The following NLK variants were observed in gnomAD, a reference collection of about 807,000 sequenced individuals.
The protein encoded by NLK is nemo like kinase, also known as serine/threonine-protein kinase NLK.
In NLK, 11 loss-of-function variants were observed where a neutral mutation model predicts 59.0. That is an observed-to-expected ratio of 0.19 (90% CI 0.12 to 0.31). The LOEUF (loss-of-function observed/expected upper bound fraction) is 0.31. Among genes scored for constraint, NLK ranks in the 10% least tolerant of loss-of-function variants. NLK has a pLI of 1.00. For missense variants in NLK, 410 were observed against 661.1 expected, an observed-to-expected ratio of 0.62 and a Z score of 4.16; for synonymous variants, 235 against 235.9, an observed-to-expected ratio of 1.00 and a Z score of 0.03.
intron 1 of NLK, chr17:28,049,049 C>T (rs1354523365): frequency 6.6e-6 from 1 of 152,146 alleles, no homozygotes; most frequent in Non-Finnish European, 1.5e-5. Context: ...TCAGTGTGAT[C>T]CTGATATTGC....
chr17:28,083,963 G>A (rs1402549293), intron 1 of NLK, among the ~76,000 whole-genome samples: 10 of 152,094 alleles, frequency 6.6e-5, no homozygotes, highest in Admixed American at 6.6e-4. Context: ...CATGAGAACT[G>A]CTTGTGCCTA....
intron 7 of NLK, among the ~76,000 whole-genome samples, chr17:28,183,337 C>CT (rs554482988): frequency 2.6e-5 from 4 of 151,932 alleles, no homozygotes; most frequent in African/African-American, 9.7e-5. Context: ...TAGGCTTTGA[C>CT]TTTTTTTTGT....
intron 3 of NLK, among the ~76,000 whole-genome samples, chr17:28,159,804 T>C (rs773110936): frequency 4.6e-5 from 7 of 152,258 alleles, no homozygotes; most frequent in Non-Finnish European, 8.8e-5. Flanking sequence ...GCTGCTGTTT[T>C]AGAAATCTAG....
Position 28,195,808 on chromosome 17 carries a change from A to AT in NLK, c.*1184dup, listed in dbSNP as rs34894038. ...TTACCTCCACATGCTGATGATGACTATTTTTTTTTTTTGAGTTCAGTGTGG... is the reference window on the plus strand; with the variant it reads ...TTACCTCCACATGCTGATGATGACTATTTTTTTTTTTTTGAGTTCAGTGTGG... On this transcript the variant is annotated 3_prime_UTR_variant, in exon 11 of 11. Coordinates refer to ENST00000407008, the MANE Select transcript of NLK (RefSeq NM_016231.5). 2,371 of 145,920 alleles carry AT rather than the reference A, an allele frequency of 0.016. 42 individuals carry two copies. Among genetic ancestry groups the AT allele is most frequent in the Admixed American group, 0.043 (626 of 14,582 alleles). The allele number at this position is 145,920 out of a possible 1,614,324, so 9.0% of individuals were successfully genotyped here. A position where few individuals can be genotyped will look rare whatever the true frequency, so the allele number is the denominator to read the frequency against.
intron 1 of NLK, among the ~76,000 whole-genome samples, chr17:28,073,724 TTCTTC>T (rs1910082160): frequency 6.6e-6 from 1 of 152,182 alleles, no homozygotes; most frequent in African/African-American, 2.4e-5. Context: ...ACTTCAGATG[TTCTTC>T]TCTTTAGGTA....
chr17:28,160,324 G>C (rs1292082767), intron 3 of NLK, among the ~76,000 whole-genome samples: 1 of 152,190 alleles, frequency 6.6e-6, no homozygotes, highest in Non-Finnish European at 1.5e-5. Context: ...TCTCCTCCCT[G>C]TTCCCAAGTT....
chr17:28,090,035 A>C (rs1271622365), intron 1 of NLK, among the ~76,000 whole-genome samples: 1 of 152,116 alleles, frequency 6.6e-6, no homozygotes, highest in African/African-American at 2.4e-5. Context: ...GAAGTTTCTA[A>C]TTTTAATGAC....
At chr17:28,116,702 T>G (rs1056972824) in intron 1 of NLK, among the ~76,000 whole-genome samples, 2 of 152,222 alleles carry the variant, frequency 1.3e-5, no homozygotes, top group African/African-American at 2.4e-5. Flanking sequence ...TTCTTTCAAA[T>G]GTTTTCTATC....
chr17:28,114,810 T>C (rs569001879), intron 1 of NLK, among the ~76,000 whole-genome samples: 24 of 152,298 alleles, frequency 1.6e-4, no homozygotes, highest in Non-Finnish European at 2.5e-4. Flanking sequence ...TGAAAAGATA[T>C]TGTATCTGGC....
chr17:28,097,810 A>G (rs1055412309), intron 1 of NLK, among the ~76,000 whole-genome samples: 4 of 152,180 alleles, frequency 2.6e-5, no homozygotes, highest in Non-Finnish European at 2.9e-5. Context: ...ATCACTTTTC[A>G]GTTGTGATTC....
At chr17:28,061,446 C>T (rs1259139362) in intron 1 of NLK, among the ~76,000 whole-genome samples, 1 of 152,050 alleles carries the variant, frequency 6.6e-6, no homozygotes, top group Non-Finnish European at 1.5e-5. Flanking sequence ...GAGTTTCTAA[C>T]GTGAATTTGA....
intron 1 of NLK, among the ~76,000 whole-genome samples, chr17:28,054,802 A>G (rs1277481681): frequency 1.3e-5 from 2 of 152,162 alleles, no homozygotes; most frequent in African/African-American, 4.8e-5. Context: ...GCATTGGCTC[A>G]TGCCTGTTAC....
intron 2 of NLK, among the ~76,000 whole-genome samples, chr17:28,128,015 G>A (rs1048623004): frequency 1.3e-5 from 2 of 151,752 alleles, no homozygotes; most frequent in African/African-American, 4.8e-5. Flanking sequence ...AATCCAGTCG[G>A]GAATGGATGA....
chr17:28,172,439 C>T, intron 6 of NLK, 78 bp from the exon 7 acceptor site: 6 of 970,062 alleles, frequency 6.2e-6, no homozygotes, highest in Non-Finnish European at 8.6e-6. Flanking sequence ...TGGTCCACTT[C>T]TCTAAGGCTA....
chr17:28,174,437 G>A (rs1218645228), intron 7 of NLK, among the ~76,000 whole-genome samples: 1 of 152,100 alleles, frequency 6.6e-6, no homozygotes, highest in Non-Finnish European at 1.5e-5. Flanking sequence ...TCCAGTCTTG[G>A]TGTCGGCATA....
At chr17:28,098,522 C>T (rs970144151) in intron 1 of NLK, among the ~76,000 whole-genome samples, 4 of 151,998 alleles carry the variant, frequency 2.6e-5, no homozygotes, top group Admixed American at 1.3e-4. Flanking sequence ...ACATTGAGTA[C>T]GTCTTTATTC....
chr17:28,143,239 T>C (rs974302300), intron 3 of NLK, among the ~76,000 whole-genome samples: 1 of 152,026 alleles, frequency 6.6e-6, no homozygotes, highest in Non-Finnish European at 1.5e-5. Context: ...ATACAGGATT[T>C]CACCATGTTG....
At chr17:28,193,189 C>T (rs1265224850) in intron 10 of NLK, among the ~76,000 whole-genome samples, 1 of 152,186 alleles carries the variant, frequency 6.6e-6, no homozygotes, top group Admixed American at 6.5e-5. Context: ...CTGAAGGCTG[C>T]TGAAGTAGCA....
At chr17:28,166,076 G>C (rs535928405) in intron 5 of NLK, among the ~76,000 whole-genome samples, 1 of 152,148 alleles carries the variant, frequency 6.6e-6, no homozygotes, top group Non-Finnish European at 1.5e-5. Flanking sequence ...TTAGCCAGGC[G>C]TGGTGGCGCA....
Sources: gnomAD v4.1 joint callset for allele counts (sites outside exome capture counted in the v4.1 genomes callset) on GRCh38, gnomAD v4.1.1 for gene constraint, MANE v1.5 for transcripts, NCBI Gene and HGNC (gene_info 2026-07-23, HGNC 2026-07-21) for gene names.